The following PTGER4 variants were observed in gnomAD, a reference collection of about 807,000 sequenced individuals.
PTGER4 encodes prostaglandin E receptor 4, also known as prostaglandin E2 receptor EP4 subtype.
PTGER4 carries 11 observed loss-of-function variants against 33.2 expected under a neutral mutation model. That is an observed-to-expected ratio of 0.33 (90% CI 0.21 to 0.55). The LOEUF is 0.55. PTGER4 is among the 20% of genes least tolerant of loss of function. The probability of loss-of-function intolerance (pLI) is 0.92; values close to 1 mark genes in which losing one functional copy is unlikely to be tolerated. For synonymous variants in PTGER4, 275 were observed against 281.5 expected (o/e 0.98, Z 0.23); for missense variants, 481 against 650.2 (o/e 0.74, Z 2.83).
At chr5:40,715,972 C>T in the PTGER4 span, 2 of 499,462 alleles carry the variant, frequency 4.0e-6, no homozygotes, top group East Asian at 6.2e-5. Context: ...CTTATCAAAG[C>T]ATATTCCAAA....
the PTGER4 span, among the ~76,000 whole-genome samples, chr5:40,720,319 A>G: frequency 2.0e-5 from 3 of 152,280 alleles, no homozygotes; most frequent in South Asian, 2.1e-4. Context: ...TTCCCCCATT[A>G]AATTGTCTTG....
At chr5:40,697,086 GA>G (rs1741600658), downstream of PTGER4, among the ~76,000 whole-genome samples, 3 of 61,844 alleles carry the variant, frequency 4.9e-5, no homozygotes, top group African/African-American at 1.5e-4. Context: ...AGGAAGGAAG[GA>G]AAGAAAGAGA....
At chr5:40,696,967 A>AG (rs1491091641), downstream of PTGER4, among the ~76,000 whole-genome samples, 2 of 84,154 alleles carry the variant, frequency 2.4e-5, no homozygotes, top group Admixed American at 1.4e-4. Flanking sequence ...AGAGAGAAAG[A>AG]AAGAGAGAGA....
chr5:40,718,205 A>G, the PTGER4 span, among the ~76,000 whole-genome samples: 1 of 152,142 alleles, frequency 6.6e-6, no homozygotes. Flanking sequence ...TGGATCACTC[A>G]AGACCAGGAG....
the PTGER4 span, among the ~76,000 whole-genome samples, chr5:40,724,521 T>C: frequency 6.6e-6 from 1 of 151,774 alleles, no homozygotes; most frequent in Non-Finnish European, 1.5e-5. Flanking sequence ...TAGTCCCAGC[T>C]ACTTGGGAGG....
At chr5:40,740,152 T>C in the PTGER4 span, among the ~76,000 whole-genome samples, 271 of 152,238 alleles carry the variant, frequency 1.8e-3, 1 homozygote, top group African/African-American at 6.2e-3. Flanking sequence ...ATGTTGCTGT[T>C]GTTATTTAAT....
the PTGER4 span, among the ~76,000 whole-genome samples, chr5:40,701,286 T>C: frequency 1.3e-5 from 2 of 152,048 alleles, no homozygotes; most frequent in Non-Finnish European, 2.9e-5. Flanking sequence ...AGAATCACAA[T>C]AAAGTGATAC....
downstream of PTGER4, among the ~76,000 whole-genome samples, chr5:40,698,163 T>TAGCTAC (rs1741657638): frequency 6.9e-6 from 1 of 144,914 alleles, no homozygotes; most frequent in African/African-American, 2.6e-5. Context: ...CTTGTAGTCC[T>TAGCTAC]AGCTACTCGG....
In PTGER4 at chr5:40,680,859, T is replaced by C; in HGVS notation, c.-43-92T>C. The C allele has an allele frequency of 1.8e-6, 2 of 1,131,564 alleles. No homozygotes were observed. The highest frequency in any genetic ancestry group is 2.5e-6 in the Non-Finnish European group (2 of 796,928). The allele number at this position is 1,131,564 out of a possible 1,614,324, so 70.1% of individuals were successfully genotyped here. On this transcript the variant is annotated intron_variant, in intron 1 of 2. Transcript: ENST00000302472. This position sits in a 1 kb window ranked among gnomAD's most constrained non-coding sequence, Gnocchi z 5.5. ...TAGGATCGAGTTGCTCCCCTTGTCT[T>C]ATCAGTGTATCGTTTCTCGGGCGCG...
Position 40,692,617 on chromosome 5 carries a change from T to TAC in PTGER4, c.*239_*240insAC. On this transcript the variant is annotated 3_prime_UTR_variant, in exon 3 of 3. Coordinates refer to ENST00000302472, the MANE Select transcript of PTGER4 (RefSeq NM_000958.3). ...ACAGAGGATTGTGGTCACAACTTGA[T>TAC]GGCTGCGAAGACCTACCCTCCGTTT... 2 of 1,256,440 alleles carry TAC rather than the reference T, an allele frequency of 1.6e-6. No homozygotes were observed. The highest frequency in any genetic ancestry group is 3.5e-5 in the East Asian group (1 of 28,836). 77.8% of individuals were successfully genotyped at this position (1,256,440 alleles called of 1,614,324 possible). A position where few individuals can be genotyped will look rare whatever the true frequency, so the allele number is the denominator to read the frequency against.
rs374713012 is a variant in PTGER4, at chr5:40,689,100, G to C, written c.868-2679G>C. 2.9e-4 allele frequency among the ~76,000 whole-genome samples: 44 copies of C among 152,296 alleles called. 2 individuals are homozygous for C. The South Asian group carries it at 8.5e-3, about 29-fold the overall frequency. On this transcript the variant is annotated intron_variant, in intron 2 of 2. Transcript: ENST00000302472. ...GAACTGGAACAGTAATCCTGGACCA[G>C]AACATAGGAATATTCACTCTAAGTG...
chr5:40,712,630 T>C, the PTGER4 span, among the ~76,000 whole-genome samples: 1 of 152,190 alleles, frequency 6.6e-6, no homozygotes, highest in African/African-American at 2.4e-5. Flanking sequence ...AGGTTCACAA[T>C]GTAGCTGGCA....
chr5:40,709,763 A>C, the PTGER4 span, among the ~76,000 whole-genome samples: 1 of 152,244 alleles, frequency 6.6e-6, no homozygotes, highest in South Asian at 2.1e-4. Flanking sequence ...TGGAGGCATC[A>C]TGCTACCTGA....
chr5:40,745,881 T>C, the PTGER4 span, among the ~76,000 whole-genome samples: 4 of 152,070 alleles, frequency 2.6e-5, no homozygotes, highest in East Asian at 5.8e-4. Flanking sequence ...ATTACTAGTA[T>C]AAGCCACTGC....
chr5:40,692,326 T>C lies in PTGER4; in HGVS notation c.1415T>C (p.Leu472Pro), dbSNP rs1464882804. 1.9e-6 allele frequency: 3 copies of C among 1,608,620 alleles called. No homozygotes were observed. Among genetic ancestry groups the C allele is most frequent in the Admixed American group, 3.4e-5 (2 of 58,710 alleles). ...RAGPAPKGSS[L>P]QVTFPSETLN... ...GGGCCTGCCCCTAAGGGGAGCTCCC[T>C]GCAAGTCACATTTCCCAGTGAAACA... Residue 472 changes from leucine (L) to proline (P), a missense_variant, in exon 3 of 3, where the codon CTG becomes CCG. Leu to Pro is a moderately conservative substitution (Grantham distance 98, BLOSUM62 -3). This residue lies in a region of PTGER4 where 172 missense variants were observed against 199.2 expected (regional missense o/e 0.86). Transcript: ENST00000302472.
the PTGER4 span, among the ~76,000 whole-genome samples, chr5:40,699,825 T>C: frequency 6.6e-6 from 1 of 152,128 alleles, no homozygotes; most frequent in Admixed American, 6.5e-5. Context: ...GTAAGGGAAC[T>C]TTCTCAATTT....
chr5:40,706,491 G>A, the PTGER4 span, among the ~76,000 whole-genome samples: 1 of 151,918 alleles, frequency 6.6e-6, no homozygotes, highest in African/African-American at 2.4e-5. Flanking sequence ...AAGTTAAAAA[G>A]TAAAATAACT....
downstream of PTGER4, among the ~76,000 whole-genome samples, chr5:40,697,189 AAG>A (rs1286588982): frequency 1.4e-5 from 2 of 144,312 alleles, no homozygotes; most frequent in Non-Finnish European, 3.0e-5. Context: ...AAAATTAAGA[AAG>A]AAAGAAAAGA....
the PTGER4 span, among the ~76,000 whole-genome samples, chr5:40,730,568 T>C: frequency 1.1e-4 from 16 of 152,064 alleles, no homozygotes; most frequent in Non-Finnish European, 1.8e-4. Flanking sequence ...AAACTGAAAC[T>C]CCATACCCAT....
Sources: gnomAD v4.1 joint callset for allele counts (sites outside exome capture counted in the v4.1 genomes callset) on GRCh38, gnomAD v4.1.1 for gene constraint, gnomAD v4.1.1 regional missense constraint, Gnocchi (gnomAD v3.1) non-coding constraint, MANE v1.5 for transcripts, NCBI Gene and HGNC (gene_info 2026-07-23, HGNC 2026-07-21) for gene names.